Variants in ARMC7 observed in about 807,000 individuals in gnomAD.
The protein encoded by ARMC7 is armadillo repeat-containing protein 7.
In ARMC7, 9 loss-of-function variants were observed where a neutral mutation model predicts 14.8. The observed-to-expected ratio is 0.61, with a 90% CI of 0.37 to 1.06. ARMC7 has a LOEUF of 1.06. Ranked by LOEUF, ARMC7 falls within the 50% of genes least tolerant of loss-of-function variation. ARMC7 has a pLI of 0.01. For missense variants in ARMC7, 262 were observed against 267.1 expected (o/e 0.98, Z 0.13); for synonymous variants, 125 against 123.4 (o/e 1.01, Z -0.09).
intron 2 of ARMC7, among the ~76,000 whole-genome samples, chr17:75,113,382 T>TCTTG (rs1401931566): frequency 6.8e-6 from 1 of 147,138 alleles, no homozygotes; most frequent in Non-Finnish European, 1.5e-5. Context: ...TGAGATGGAG[T>TCTTG]CTTGCTCTGT....
chr17:75,127,982 A>G (rs1410593256), intron 2 of ARMC7, among the ~76,000 whole-genome samples: 1 of 152,226 alleles, frequency 6.6e-6, no homozygotes, highest in Non-Finnish European at 1.5e-5. Flanking sequence ...AAATTTTGGC[A>G]TAAGTATATA....
intron 2 of ARMC7, among the ~76,000 whole-genome samples, chr17:75,127,453 C>A (rs897614148): frequency 6.6e-6 from 1 of 152,134 alleles, no homozygotes; most frequent in Non-Finnish European, 1.5e-5. Flanking sequence ...GCATGTGCCA[C>A]AGGCCCAGCT....
At chr17:75,128,048 T>A (rs903256090) in intron 2 of ARMC7, among the ~76,000 whole-genome samples, 2 of 152,124 alleles carry the variant, frequency 1.3e-5, no homozygotes, top group Non-Finnish European at 2.9e-5. Context: ...TCTAAGGTGA[T>A]GATACATTAC....
chr17:75,123,810 C>G (rs2074031209), intron 2 of ARMC7, among the ~76,000 whole-genome samples: 2 of 151,914 alleles, frequency 1.3e-5, no homozygotes, highest in South Asian at 4.2e-4. Flanking sequence ...ACTTGGGAGG[C>G]TGAGGCAGGA....
intron 2 of ARMC7, chr17:75,114,181 G>C: frequency 2.5e-6 from 1 of 401,218 alleles, no homozygotes; most frequent in Non-Finnish European, 4.4e-6. Flanking sequence ...GCTGCAGTCT[G>C]AACGGTGACG....
At position 75,129,162 on chromosome 17, in the gene ARMC7, C is replaced by T; in HGVS notation, c.*124C>T. 3 of 1,347,128 alleles carry T rather than the reference C, an allele frequency of 2.2e-6. No homozygotes were observed. Among genetic ancestry groups the T allele is most frequent in the Non-Finnish European group, 3.0e-6 (3 of 1,011,520 alleles). 83.4% of individuals were successfully genotyped at this position (1,347,128 alleles called of 1,614,324 possible). On this transcript the variant is annotated 3_prime_UTR_variant, in exon 3 of 3. Transcript: ENST00000245543. ...TTTTCAGCCATCTGAAAGGCGGGTT[C>T]TTTCAGCAGGACAGGCATTTACACT...
intron 2 of ARMC7, chr17:75,114,493 G>A (rs935939644): frequency 1.5e-5 from 6 of 392,362 alleles, no homozygotes; most frequent in Middle Eastern, 6.3e-4. Context: ...CCTGGAGTCC[G>A]CGGTCCCAGC....
chr17:75,128,985 C>T lies in ARMC7; in HGVS notation c.544C>T (p.His182Tyr). The T allele has an allele frequency of 6.2e-7, 1 of 1,601,428 alleles. No homozygotes were observed. The highest frequency in any genetic ancestry group is 8.5e-7 in the Non-Finnish European group (1 of 1,179,622). Residue 182 changes from histidine (H) to tyrosine (Y), a missense_variant, in exon 3 of 3, where the codon CAC becomes TAC. His to Tyr is a moderately conservative substitution (Grantham distance 83, BLOSUM62 2). Coordinates refer to ENST00000245543, the MANE Select transcript of ARMC7 (RefSeq NM_024585.4). ...QVAEARSRQA[H>Y]SALGIPLPRS... ...GGCCGAGGCCCGCAGCCGGCAGGCG[C>T]ACTCTGCCCTGGGTATCCCACTGCC...
chr17:75,123,779 T>G (rs2074030958), intron 2 of ARMC7, among the ~76,000 whole-genome samples: 1 of 151,736 alleles, frequency 6.6e-6, no homozygotes, highest in African/African-American at 2.4e-5. Context: ...GGCGTGGTGG[T>G]GCATGCCTGT....
At chr17:75,119,740 C>T (rs778831216) in intron 2 of ARMC7, among the ~76,000 whole-genome samples, 1 of 151,934 alleles carries the variant, frequency 6.6e-6, no homozygotes, top group Non-Finnish European at 1.5e-5. Context: ...GGATTACAGG[C>T]GTGAGCCACC....
At position 75,110,191 on chromosome 17, in the gene ARMC7, C is replaced by G. The variant is rs974917103; in HGVS notation, c.-98C>G. 7 of 1,219,304 alleles carry G rather than the reference C, an allele frequency of 5.7e-6. No individual in the cohort carries two copies. The highest frequency in any genetic ancestry group is 4.6e-5 in the African/African-American group (3 of 65,428). The allele number at this position is 1,219,304 out of a possible 1,614,324, so 75.5% of individuals were successfully genotyped here. Reference sequence around the variant, plus strand: ...CATTTGCCGACCCCCTCTTCCCTCTCCAGACAGGTGGAGAGCGGGTGAGGG... The same window carrying G: ...CATTTGCCGACCCCCTCTTCCCTCTGCAGACAGGTGGAGAGCGGGTGAGGG... On this transcript the variant is annotated 5_prime_UTR_variant, in exon 1 of 3. Transcript: ENST00000245543.
chr17:75,125,407 G>T (rs147227757), intron 2 of ARMC7, among the ~76,000 whole-genome samples: 1 of 152,290 alleles, frequency 6.6e-6, no homozygotes, highest in East Asian at 1.9e-4. Context: ...ACAACTGGGG[G>T]CTGAAAGGTC....
rs202245135 is a variant in ARMC7, at chr17:75,128,881, G to T, written c.440G>T (p.Arg147Leu). The part of the protein sequence containing the change: ...TATPVVQCML[R>L]FSLSASARLR... Reference sequence around the variant, plus strand: ...ACGCCCGTGGTGCAGTGCATGCTTCGCTTCTCCCTCTCGGCCAGCGCCAGG... The same window carrying T: ...ACGCCCGTGGTGCAGTGCATGCTTCTCTTCTCCCTCTCGGCCAGCGCCAGG... The change falls in exon 3 of 3, where the codon CGC becomes CTC. Residue 147 changes from arginine (R) to leucine (L), a missense_variant. Coordinates refer to ENST00000245543, the MANE Select transcript of ARMC7 (RefSeq NM_024585.4). 4 of 1,611,910 alleles carry T rather than the reference G, an allele frequency of 2.5e-6. No homozygotes were observed. In the Admixed American group the frequency reaches 6.7e-5, roughly 27 times the overall value.
intron 2 of ARMC7, among the ~76,000 whole-genome samples, chr17:75,122,924 A>T (rs557190890): frequency 2.3e-4 from 35 of 151,822 alleles, no homozygotes; most frequent in Non-Finnish European, 4.7e-4. Context: ...CTCTTAGAGG[A>T]GGTGGCGTCT....
intron 2 of ARMC7, among the ~76,000 whole-genome samples, chr17:75,115,513 G>A (rs1165466897): frequency 1.3e-5 from 2 of 152,030 alleles, no homozygotes; most frequent in East Asian, 3.9e-4. Context: ...ACTCCAGCCT[G>A]GGTGACAGAG....
chr17:75,127,608 G>A (rs1439960483), intron 2 of ARMC7, among the ~76,000 whole-genome samples: 1 of 151,906 alleles, frequency 6.6e-6, no homozygotes, highest in African/African-American at 2.4e-5. Flanking sequence ...CCATTTGTTT[G>A]TTTTTGAGAC....
intron 2 of ARMC7, among the ~76,000 whole-genome samples, chr17:75,123,392 CG>C (rs917644267): frequency 6.8e-5 from 10 of 147,792 alleles, no homozygotes; most frequent in South Asian, 2.2e-4. Flanking sequence ...TTCGCTCTGT[CG>C]CCCAGGCTAG....
intron 2 of ARMC7, among the ~76,000 whole-genome samples, chr17:75,128,236 G>A (rs1028594504): frequency 2.6e-5 from 4 of 151,914 alleles, no homozygotes; most frequent in East Asian, 1.9e-4. Flanking sequence ...CACCACACCC[G>A]GCTAATTTTT....
At chr17:75,119,474 A>C (rs1023043833) in intron 2 of ARMC7, among the ~76,000 whole-genome samples, 2 of 108,730 alleles carry the variant, frequency 1.8e-5, no homozygotes, top group Admixed American at 2.4e-4. Flanking sequence ...TTTGAGACGG[A>C]GTTTCGCTCT....
Sources: allele counts gnomAD v4.1 joint callset (sites outside exome capture counted in the v4.1 genomes callset), GRCh38; gene constraint gnomAD v4.1.1; transcripts MANE v1.5; gene names NCBI Gene and HGNC (gene_info 2026-07-23, HGNC 2026-07-21).